MCAT: variants seen among roughly 807,000 people sequenced by gnomAD.
The protein encoded by MCAT is malonyl-CoA-acyl carrier protein transacylase.
MCAT carries 22 observed loss-of-function variants against 22.9 expected under a neutral mutation model. That is an observed-to-expected ratio of 0.96 (90% CI 0.69 to 1.37). The LOEUF is 1.37. MCAT is among the 40% of genes most tolerant of loss of function. The probability of loss-of-function intolerance (pLI) is 0.00; values close to 1 mark genes in which losing one functional copy is unlikely to be tolerated. For missense variants in MCAT, 534 were observed against 533.6 expected, an observed-to-expected ratio of 1.00 and a Z score of -0.01; for synonymous variants, 240 against 233.9, an observed-to-expected ratio of 1.03 and a Z score of -0.24.
In MCAT at chr22:43,143,073, G is replaced by A. The variant is rs1313394157; in HGVS notation, c.276C>T (p.Ala92=). 1.2e-6 allele frequency: 2 copies of A among 1,608,852 alleles called. No homozygotes were observed. The highest frequency in any genetic ancestry group is 1.7e-6 in the Non-Finnish European group (2 of 1,179,210). ...LNYPRVRELY[A]AARRVLGYDL... ...CGTAGCCCAGCACGCGGCGGGCGGCGGCGTAGAGTTCGCGGACGCGCGGGT... is the reference window on the plus strand; with the variant it reads ...CGTAGCCCAGCACGCGGCGGGCGGCAGCGTAGAGTTCGCGGACGCGCGGGT... The change falls in exon 1 of 4, where the codon GCC becomes GCT. Residue 92 remains alanine, a synonymous_variant. Transcript: ENST00000290429.
At chr22:43,134,590 T>G (rs534039867) in intron 3 of MCAT, among the ~76,000 whole-genome samples, 49 of 152,312 alleles carry the variant, frequency 3.2e-4, no homozygotes, top group Non-Finnish European at 5.9e-4. Flanking sequence ...TCCACCTGCT[T>G]TAGTCTGTCA....
intron 2 of MCAT, among the ~76,000 whole-genome samples, chr22:43,138,019 C>T (rs56107422): frequency 0.025 from 3,874 of 152,044 alleles, 174 homozygotes; most frequent in African/African-American, 0.089. Context: ...GCCCAAGGAG[C>T]TCGACACCAG....
In MCAT at chr22:43,132,868, C is replaced by T; in HGVS notation, c.*175G>A. ...TCCAAGGGGGAGAAATGGACTGGGT[C>T]ATGTAAAGAAATACTCATTTTTAGG... On this transcript the variant is annotated 3_prime_UTR_variant, in exon 4 of 4. Coordinates refer to ENST00000290429, the MANE Select transcript of MCAT (RefSeq NM_173467.5). 1.6e-6 allele frequency: 1 copy of T among 609,578 alleles called. No individual in the cohort carries two copies. 37.8% of individuals were successfully genotyped at this position (609,578 alleles called of 1,614,324 possible). A position where few individuals can be genotyped will look rare whatever the true frequency, so the allele number is the denominator to read the frequency against.
intron 1 of MCAT, among the ~76,000 whole-genome samples, chr22:43,142,591 C>A (rs1930799796): frequency 6.6e-6 from 1 of 151,518 alleles, no homozygotes; most frequent in Non-Finnish European, 1.5e-5. Context: ...TCAAGACCAT[C>A]CTGACTAACA....
At chr22:43,136,527 C>T (rs1378016880) in intron 3 of MCAT, among the ~76,000 whole-genome samples, 1 of 152,226 alleles carries the variant, frequency 6.6e-6, no homozygotes, top group Non-Finnish European at 1.5e-5. Context: ...CCAGCCAGAC[C>T]CTCACTGCAC....
intron 1 of MCAT, among the ~76,000 whole-genome samples, chr22:43,142,251 C>T (rs1191692293): frequency 6.6e-6 from 1 of 152,208 alleles, no homozygotes; most frequent in African/African-American, 2.4e-5. Context: ...TCATTTAGGC[C>T]AGTGCAGTGG....
At chr22:43,134,216 C>T (rs1601739520) in intron 3 of MCAT, among the ~76,000 whole-genome samples, 2 of 152,268 alleles carry the variant, frequency 1.3e-5, no homozygotes, top group Non-Finnish European at 2.9e-5. Flanking sequence ...TCTGAGGTTT[C>T]TCTGGAGAAG....
intron 2 of MCAT, among the ~76,000 whole-genome samples, chr22:43,137,749 T>A (rs1288115091): frequency 1.4e-4 from 20 of 138,236 alleles, no homozygotes; most frequent in African/African-American, 3.2e-4. Context: ...TTTTTTTTTT[T>A]TAAATAGTGC....
rs1178249176 is a variant in MCAT at position 43,143,323 on chromosome 22, G to A, written c.26C>T (p.Ala9Val). The change falls in exon 1 of 4, where the codon GCG becomes GTG. Residue 9 changes from alanine to valine, a missense_variant. Transcript: ENST00000290429. MSVRVARV[A>V]WVRGLGASYR... ...GCTGGCGCCCAAGCCCCTGACCCACGCTACCCGTGCGACCCGGACGCTCAT... is the reference window on the plus strand; with the variant it reads ...GCTGGCGCCCAAGCCCCTGACCCACACTACCCGTGCGACCCGGACGCTCAT... 2.9e-6 allele frequency: 4 copies of A among 1,397,480 alleles called. No individual in the cohort carries two copies. Among genetic ancestry groups the A allele is most frequent in the Non-Finnish European group, 3.7e-6 (4 of 1,086,732 alleles). 86.6% of individuals were successfully genotyped at this position (1,397,480 alleles called of 1,614,324 possible).
chr22:43,136,985 C>T, intron 3 of MCAT, 96 bp downstream of exon 3: 2 of 1,075,298 alleles, frequency 1.9e-6, no homozygotes, highest in Non-Finnish European at 2.9e-6. Context: ...CGGGCTGGAC[C>T]CAGCACCCGC....
rs891416904 is a variant in MCAT at position 43,137,881 on chromosome 22, T to G, written c.512-583A>C. 2.6e-5 allele frequency among the ~76,000 whole-genome samples: 4 copies of G among 152,184 alleles called. No individual in the cohort carries two copies. The East Asian group carries it at 7.7e-4, about 29-fold the overall frequency. ...TTAGTAAAATGAGGATAATAATATC[T>G]AATCTGCCTGGGCTGTTGTGAAAGC... On this transcript the variant is annotated intron_variant, in intron 2 of 3. Transcript: ENST00000290429.
intron 2 of MCAT, 108 bp downstream of exon 2, chr22:43,141,054 G>C (rs1161760880): frequency 1.2e-6 from 1 of 819,344 alleles, no homozygotes; most frequent in East Asian, 2.4e-5. Flanking sequence ...CTGTCCATGT[G>C]CTCCCTTCCC....
chr22:43,138,473 G>A (rs1276960953), intron 2 of MCAT, among the ~76,000 whole-genome samples: 2 of 151,970 alleles, frequency 1.3e-5, no homozygotes, highest in African/African-American at 4.8e-5. Context: ...GCTGTGGCTC[G>A]CACCTGTAGT....
Position 43,143,168 on chromosome 22 carries a change from G to A in MCAT, c.181C>T (p.Gln61Ter). ...CCCGGGAAGAGCAGCACGGAGCACT[G>A]GCCCGGCATTCGCCGCTCCGTCGCC... ...WAATERRMPG[Q>*]CSVLLFPGQG... The change falls in exon 1 of 4, where the codon CAG (glutamine) becomes TAG (stop). Residue 61 changes from glutamine (Q) to a stop codon, truncating the protein, a stop_gained. Transcript: ENST00000290429. LOFTEE classifies it high-confidence loss of function. 1 of 1,565,332 alleles carries A rather than the reference G, an allele frequency of 6.4e-7. No individual in the cohort carries two copies. The highest frequency in any genetic ancestry group is 1.2e-5 in the South Asian group (1 of 86,456).
At chr22:43,137,806 G>A (rs1930663432) in intron 2 of MCAT, among the ~76,000 whole-genome samples, 1 of 151,922 alleles carries the variant, frequency 6.6e-6, no homozygotes, top group Non-Finnish European at 1.5e-5. Context: ...CAGGGTGGAA[G>A]CCACATTGCC....
In MCAT at chr22:43,133,156, G is replaced by A. The variant is rs757991746; in HGVS notation, c.1060C>T (p.Leu354=). 1 of 1,614,202 alleles carries A rather than the reference G, an allele frequency of 6.2e-7. No individual in the cohort carries two copies. The highest frequency in any genetic ancestry group is 1.1e-5 in the South Asian group (1 of 91,080). Residue 354 remains leucine, a synonymous_variant, in exon 4 of 4, where the codon CTG becomes TTG. Transcript: ENST00000290429. ...QTFEVGPGRQ[L]GAILKSCNMQ... Reference sequence around the variant, plus strand: ...TTACAGCTCTTCAGGATGGCTCCCAGCTGCCTGCCAGGGCCTACTTCGAAA... The same window carrying A: ...TTACAGCTCTTCAGGATGGCTCCCAACTGCCTGCCAGGGCCTACTTCGAAA...
At position 43,132,704 on chromosome 22, in the gene MCAT, G is replaced by C. The variant is rs2147030530; in HGVS notation, c.*339C>G. The C allele has an allele frequency of 3.2e-6, 1 of 316,430 alleles. No homozygotes were observed. Among genetic ancestry groups the C allele is most frequent in the Admixed American group, 4.5e-5 (1 of 22,410 alleles). 19.6% of individuals were successfully genotyped at this position (316,430 alleles called of 1,614,324 possible). A position where few individuals can be genotyped will look rare whatever the true frequency, so the allele number is the denominator to read the frequency against. On this transcript the variant is annotated 3_prime_UTR_variant, in exon 4 of 4. Transcript: ENST00000290429. Reference sequence around the variant, plus strand: ...TCTCAGCACTCACAGAGCAGGACAGGCTGCAGCAGCCAGTCCTCCCCTTCC... The same window carrying C: ...TCTCAGCACTCACAGAGCAGGACAGCCTGCAGCAGCCAGTCCTCCCCTTCC...
intron 2 of MCAT, among the ~76,000 whole-genome samples, chr22:43,139,723 G>A (rs1930717110): frequency 6.6e-6 from 1 of 151,746 alleles, no homozygotes; most frequent in African/African-American, 2.4e-5. Context: ...GATTACAGGT[G>A]CACGCCACCA....
At position 43,133,324 on chromosome 22, in the gene MCAT, A is replaced by C; in HGVS notation, c.892T>G (p.Tyr298Asp). Residue 298 changes from tyrosine (Y) to aspartate (D), a missense_variant, in exon 4 of 4, where the codon TAC (tyrosine) becomes GAC (aspartate). Physicochemically the swap from Tyr to Asp is radical, Grantham distance 160. Transcript: ENST00000290429. ...TATCTATGCGCGTGGACGTTGGAGT[A>C]GACAGAAACCAGAGGCTTCTTAATG... ...VDIKKPLVSVYSNVHAHRYRH... is the reference protein window; with the variant it reads ...VDIKKPLVSVDSNVHAHRYRH... 1 of 1,614,216 alleles carries C rather than the reference A, an allele frequency of 6.2e-7. No homozygotes were observed. The highest frequency in any genetic ancestry group is 8.5e-7 in the Non-Finnish European group (1 of 1,180,042).
Sources: gnomAD v4.1 joint callset for allele counts (sites outside exome capture counted in the v4.1 genomes callset) on GRCh38, gnomAD v4.1.1 for gene constraint, MANE v1.5 for transcripts, NCBI Gene and HGNC (gene_info 2026-07-23, HGNC 2026-07-21) for gene names.